SHANK2: variants seen among roughly 807,000 people sequenced by gnomAD.
SHANK2 encodes the protein SH3 and multiple ankyrin repeat domains protein 2.
In SHANK2, 43 loss-of-function variants were observed where a neutral mutation model predicts 133.7. That is an observed-to-expected ratio of 0.32 (90% CI 0.25 to 0.41). The LOEUF is 0.41. SHANK2 is among the 10% of genes least tolerant of loss of function. The pLI, the probability that SHANK2 is intolerant of heterozygous loss-of-function variation, is 1.00. For synonymous variants in SHANK2, 1,017 were observed against 952.8 expected (o/e 1.07, Z -1.24); for missense variants, 1,994 against 2,235.8 (o/e 0.89, Z 2.18).
chr11:70,499,488 G>A (rs79582665), intron 21 of SHANK2, among the ~76,000 whole-genome samples: 3,406 of 152,338 alleles, frequency 0.022, 114 homozygotes, highest in African/African-American at 0.077. Context: ...CCTGACAAGG[G>A]ACTTCTGTTG....
intron 10 of SHANK2, among the ~76,000 whole-genome samples, chr11:70,942,261 G>A (rs1050390622): frequency 4.6e-5 from 7 of 152,152 alleles, no homozygotes; most frequent in Non-Finnish European, 7.4e-5. Flanking sequence ...CAAGGGCATC[G>A]CCTTGGCTTC....
chr11:70,824,059 G>A (rs1948599171), intron 11 of SHANK2, among the ~76,000 whole-genome samples: 1 of 130,416 alleles, frequency 7.7e-6, no homozygotes. Flanking sequence ...GCATTGGCAG[G>A]GCTCACAGGA....
chr11:70,776,627 G>T (rs1052854597), intron 14 of SHANK2, among the ~76,000 whole-genome samples: 29 of 152,100 alleles, frequency 1.9e-4, no homozygotes, highest in Non-Finnish European at 1.5e-4. Context: ...GTGTATGAAA[G>T]GTAGAGTGAG....
At chr11:70,683,679 C>A (rs1411246076) in intron 15 of SHANK2, among the ~76,000 whole-genome samples, 1 of 152,222 alleles carries the variant, frequency 6.6e-6, no homozygotes, top group African/African-American at 2.4e-5. Flanking sequence ...TTGCTTCTTG[C>A]CGCTTCTGGT....
At chr11:70,810,858 G>A (rs561857223) in intron 12 of SHANK2, among the ~76,000 whole-genome samples, 7 of 152,292 alleles carry the variant, frequency 4.6e-5, no homozygotes, top group South Asian at 2.1e-4. Context: ...AGGCTGGACC[G>A]GCAGCAGCCA....
At chr11:70,936,511 T>C (rs1238570343) in intron 10 of SHANK2, among the ~76,000 whole-genome samples, 1 of 152,018 alleles carries the variant, frequency 6.6e-6, no homozygotes, top group South Asian at 2.1e-4. Context: ...AACTCTGTCT[T>C]AAAAAAATAA....
At chr11:70,885,488 C>T (rs954150482) in intron 11 of SHANK2, among the ~76,000 whole-genome samples, 12 of 152,212 alleles carry the variant, frequency 7.9e-5, no homozygotes, top group African/African-American at 2.4e-5. Flanking sequence ...ACTCCGTGTC[C>T]TCCACCCAGT....
chr11:70,506,720 G>A (rs147984374), intron 17 of SHANK2, among the ~76,000 whole-genome samples: 124 of 152,234 alleles, frequency 8.1e-4, no homozygotes, highest in African/African-American at 2.8e-3. Flanking sequence ...GTGAGCCCTG[G>A]TCCTGGTGGG....
chr11:70,866,573 A>AC (rs1322181424), intron 11 of SHANK2, among the ~76,000 whole-genome samples: 5 of 152,170 alleles, frequency 3.3e-5, no homozygotes, highest in Admixed American at 3.3e-4. Flanking sequence ...TAACTCTAGC[A>AC]CCAAGGGTTC....
chr11:70,594,547 G>C (rs1554988938), intron 17 of SHANK2, among the ~76,000 whole-genome samples: 1 of 152,196 alleles, frequency 6.6e-6, no homozygotes, highest in East Asian at 1.9e-4. Flanking sequence ...TGAAAAGCCT[G>C]GAATAGACAC....
chr11:71,231,474 A>C (rs1444320063), intron 1 of SHANK2, among the ~76,000 whole-genome samples: 1 of 152,236 alleles, frequency 6.6e-6, no homozygotes, highest in Non-Finnish European at 1.5e-5. Context: ...TGCTGGTGGA[A>C]ATACAAAATG....
In SHANK2 at chr11:70,535,472, A is replaced by G. The variant is rs967823134; in HGVS notation, c.2062-32541T>C. On this transcript the variant is annotated intron_variant, in intron 17 of 25. Transcript: ENST00000601538. The surrounding 1 kb of genome is among the most constrained non-coding windows in gnomAD (Gnocchi z 4.3). ...AGTCCAACCATCAGTCCGTCCGTCC[A>G]TCCATCCATCCATCCATCCATCCGT... 2.1e-4 allele frequency among the ~76,000 whole-genome samples: 32 copies of G among 151,640 alleles called. No individual in the cohort carries two copies. The highest frequency in any genetic ancestry group is 7.8e-4 in the African/African-American group (32 of 41,180).
intron 14 of SHANK2, among the ~76,000 whole-genome samples, chr11:70,750,688 C>A (rs1946735346): frequency 6.6e-6 from 1 of 152,096 alleles, no homozygotes; most frequent in Admixed American, 6.5e-5. Context: ...CCAAGTTGTG[C>A]ACAGGTGGAT....
intron 11 of SHANK2, among the ~76,000 whole-genome samples, chr11:70,827,492 G>C (rs1237579153): frequency 6.6e-6 from 1 of 152,104 alleles, no homozygotes; most frequent in Non-Finnish European, 1.5e-5. Flanking sequence ...GTGGATGCAG[G>C]CTGGTGCCCT....
chr11:71,249,969 G>C lies in SHANK2; in HGVS notation c.-113+2456C>G, dbSNP rs184423238. ...CCTAGACCAAGACCCCTAGAAGCCA[G>C]CATGGCCCTGCATACAACCCTAAGC... On this transcript the variant is annotated intron_variant, in intron 1 of 25. Transcript: ENST00000601538. Among the ~76,000 whole-genome samples, 8 of 152,250 alleles carry C rather than the reference G, an allele frequency of 5.3e-5. No individual in the cohort carries two copies. In the East Asian group the frequency reaches 1.5e-3, roughly 29 times the overall value.
chr11:70,920,235 T>C (rs1950330953), intron 10 of SHANK2, among the ~76,000 whole-genome samples: 1 of 152,196 alleles, frequency 6.6e-6, no homozygotes, highest in Non-Finnish European at 1.5e-5. Flanking sequence ...GCACTCTCTA[T>C]AAATAGAAAT....
rs764505009 is a variant in SHANK2, at chr11:71,166,453, T to G, written c.-12-19115A>C. Reference sequence around the variant, plus strand: ...ATTACAAGACATGACTTTTCTTGGTTTACCTTCCAATCCACACGTCTTTTT... The same window carrying G: ...ATTACAAGACATGACTTTTCTTGGTGTACCTTCCAATCCACACGTCTTTTT... On this transcript the variant is annotated intron_variant, in intron 2 of 25. Coordinates refer to ENST00000601538, the MANE Select transcript of SHANK2 (RefSeq NM_012309.5). Among the ~76,000 whole-genome samples, 290 of 152,118 alleles carry G rather than the reference T, an allele frequency of 1.9e-3. 2 individuals are homozygous for G. The highest frequency in any genetic ancestry group is 1.7e-3 in the Non-Finnish European group (114 of 68,008).
Position 70,773,301 on chromosome 11 carries a change from T to A in SHANK2, c.1777+25142A>T, listed in dbSNP as rs574994502. Among the ~76,000 whole-genome samples, 4 of 152,356 alleles carry A rather than the reference T, an allele frequency of 2.6e-5. No homozygotes were observed. In the South Asian group the frequency reaches 8.3e-4, roughly 32 times the overall value. ...AGCTTTGAGATGATGAGGCCGTTCC[T>A]GAAGCGTTATTCACAAGAGGGAAAC... On this transcript the variant is annotated intron_variant, in intron 14 of 25. Transcript: ENST00000601538.
At chr11:70,838,706 G>A (rs1157698063) in intron 11 of SHANK2, among the ~76,000 whole-genome samples, 5 of 152,114 alleles carry the variant, frequency 3.3e-5, no homozygotes, top group African/African-American at 1.2e-4. Flanking sequence ...TTTAGCTACT[G>A]TTTTCCACTG....
Sources: gnomAD v4.1 joint callset for allele counts (sites outside exome capture counted in the v4.1 genomes callset) on GRCh38, gnomAD v4.1.1 for gene constraint, Gnocchi (gnomAD v3.1) non-coding constraint, MANE v1.5 for transcripts, NCBI Gene and HGNC (gene_info 2026-07-23, HGNC 2026-07-21) for gene names.